SPAG1: variants seen among roughly 807,000 people sequenced by gnomAD.
SPAG1 encodes the protein sperm-associated antigen 1.
In SPAG1, 69 loss-of-function variants were observed where a neutral mutation model predicts 100.5. The observed-to-expected ratio is 0.69, with a 90% confidence interval of 0.57 to 0.84. The LOEUF (loss-of-function observed/expected upper bound fraction) is 0.84. SPAG1 is among the 40% of genes least tolerant of loss of function. The probability of loss-of-function intolerance (pLI) is 0.00; values close to 1 mark genes in which losing one functional copy is unlikely to be tolerated. For missense variants in SPAG1, 955 were observed against 1,133.1 expected (o/e 0.84, Z 2.26); for synonymous variants, 336 against 411.6 (o/e 0.82, Z 2.22).
chr8:100,169,074 G>GT (rs1215543563), intron 3 of SPAG1, among the ~76,000 whole-genome samples: 1 of 151,926 alleles, frequency 6.6e-6, no homozygotes, highest in Non-Finnish European at 1.5e-5. Flanking sequence ...GGGCTTTTGT[G>GT]TTTTATCTAA....
chr8:100,219,824 A>C (rs1818179264), intron 12 of SPAG1, among the ~76,000 whole-genome samples: 1 of 152,264 alleles, frequency 6.6e-6, no homozygotes, highest in Non-Finnish European at 1.5e-5. Context: ...CTTTTGCAGC[A>C]AGTGAATCAT....
chr8:100,162,864 T>C (rs1386927538), intron 2 of SPAG1, among the ~76,000 whole-genome samples: 1 of 152,108 alleles, frequency 6.6e-6, no homozygotes, highest in Non-Finnish European at 1.5e-5. Context: ...CTCAGAAGGC[T>C]GAGGTGGGAG....
chr8:100,167,020 C>T (rs1410623575), intron 3 of SPAG1, among the ~76,000 whole-genome samples: 1 of 151,872 alleles, frequency 6.6e-6, no homozygotes, highest in Non-Finnish European at 1.5e-5. Context: ...CTTCATACAC[C>T]ACCCCCAACA....
chr8:100,191,182 T>C (rs922388669), intron 8 of SPAG1, among the ~76,000 whole-genome samples: 4 of 152,140 alleles, frequency 2.6e-5, no homozygotes, highest in African/African-American at 9.7e-5. Flanking sequence ...AGGGTTGTTA[T>C]AGAGGGGACA....
rs1815348442 is a variant in SPAG1 at position 100,162,364 on chromosome 8, A to C, written c.84A>C (p.Lys28Asn). 2 of 1,599,142 alleles carry C rather than the reference A, an allele frequency of 1.3e-6. No individual in the cohort carries two copies. Among genetic ancestry groups the C allele is most frequent in the Non-Finnish European group, 1.7e-6 (2 of 1,173,554 alleles). Residue 28 changes from lysine to asparagine, a missense_variant, in exon 2 of 19, where the codon AAA (lysine) becomes AAC (asparagine). Lys to Asn is a moderately conservative substitution (Grantham distance 94). Transcript: ENST00000388798. ...FKIPIEHLDFKYIEKCSDVKH... is the reference protein window; with the variant it reads ...FKIPIEHLDFNYIEKCSDVKH... ...TTCCCATTGAACATCTAGATTTCAA[A>C]TACATTGAAAAATGTTCAGATGTTA...
At chr8:100,213,676 G>T in intron 11 of SPAG1, 143 bp from the exon 12 acceptor site, 1 of 588,222 alleles carries the variant, frequency 1.7e-6, no homozygotes. Flanking sequence ...GGCTGTTGCG[G>T]GTAGCAGCTC....
intron 2 of SPAG1, chr8:100,165,516 C>T: frequency 5.4e-6 from 2 of 368,398 alleles, no homozygotes; most frequent in Non-Finnish European, 5.1e-6. Flanking sequence ...GCCAACTCCG[C>T]GGAGCAACCC....
intron 1 of SPAG1, among the ~76,000 whole-genome samples, chr8:100,160,005 T>C (rs1420134966): frequency 6.6e-6 from 1 of 152,234 alleles, no homozygotes; most frequent in Non-Finnish European, 1.5e-5. Context: ...CTGTTATTAC[T>C]AATGTCACTT....
At chr8:100,192,198 C>T (rs1001466631) in intron 9 of SPAG1, among the ~76,000 whole-genome samples, 2 of 152,158 alleles carry the variant, frequency 1.3e-5, no homozygotes, top group African/African-American at 4.8e-5. Flanking sequence ...AGTGCAGTGG[C>T]TCACGTCTGT....
rs1290189036 is a variant in SPAG1, at chr8:100,213,498, G to A, written c.1435+70G>A. The A allele has an allele frequency of 3.3e-6, 4 of 1,215,144 alleles. 1 individual carries two copies. In the South Asian group the frequency reaches 6.3e-5, roughly 19 times the overall value. The allele number at this position is 1,215,144 out of a possible 1,614,324, so 75.3% of individuals were successfully genotyped here. On this transcript the variant is annotated intron_variant, in intron 11 of 18. Coordinates refer to ENST00000388798, the MANE Select transcript of SPAG1 (RefSeq NM_003114.5). Reference sequence around the variant, plus strand: ...GGTTCACCCGACCTCCGGGGCCCCCGTGGGAGAGGCGCTGCCGCCTCCTGA... The same window carrying A: ...GGTTCACCCGACCTCCGGGGCCCCCATGGGAGAGGCGCTGCCGCCTCCTGA...
Position 100,240,754 on chromosome 8 carries a change from A to G in SPAG1, c.2632A>G (p.Lys878Glu). ...GTATCAGCATCTTTTATACCTGAGT[A>G]AAGCAGAAAGGTTTAAGGTAAGTGG... ...LVYQHLLYLS[K>E]AERFKMMLTL... The change falls in exon 18 of 19, where the codon AAA becomes GAA. Residue 878 changes from lysine to glutamate, a missense_variant. Lys to Glu is a moderately conservative substitution (Grantham distance 56). Transcript: ENST00000388798. The G allele has an allele frequency of 6.2e-7, 1 of 1,600,204 alleles. No homozygotes were observed. The highest frequency in any genetic ancestry group is 8.5e-7 in the Non-Finnish European group (1 of 1,175,066).
intron 2 of SPAG1, among the ~76,000 whole-genome samples, chr8:100,164,559 G>T (rs1815462588): frequency 6.6e-6 from 1 of 152,012 alleles, no homozygotes; most frequent in African/African-American, 2.4e-5. Flanking sequence ...TGCATAGCTG[G>T]GATTACAGGT....
At chr8:100,218,451 G>A (rs999129166) in intron 12 of SPAG1, among the ~76,000 whole-genome samples, 2 of 152,202 alleles carry the variant, frequency 1.3e-5, no homozygotes, top group African/African-American at 4.8e-5. Context: ...TCACATGGTT[G>A]TGACTCTGCT....
intron 10 of SPAG1, 114 bp from the exon 11 acceptor site, chr8:100,212,964 GCGGTGCCCGAGC>G: frequency 2.8e-6 from 2 of 711,788 alleles, no homozygotes; most frequent in Non-Finnish European, 4.1e-6. Context: ...GCCCGCAGGG[GCGGTGCCCGAGC>G]CGGCTTCCCT....
At chr8:100,205,852 T>A (rs1417009302) in intron 10 of SPAG1, among the ~76,000 whole-genome samples, 5 of 150,724 alleles carry the variant, frequency 3.3e-5, no homozygotes, top group Non-Finnish European at 5.9e-5. Flanking sequence ...CCGTCTCTAC[T>A]AAAAATACAA....
chr8:100,158,911 T>C (rs2132172603), intron 1 of SPAG1: 2 of 151,490 alleles, frequency 1.3e-5, no homozygotes, highest in African/African-American at 4.8e-5. Context: ...GATTGTTCAG[T>C]TATAGATCCA....
chr8:100,190,663 C>CCT (rs1816774425), intron 8 of SPAG1, among the ~76,000 whole-genome samples: 1 of 111,800 alleles, frequency 8.9e-6, no homozygotes, highest in East Asian at 2.7e-4. Flanking sequence ...CTTTTTTTTT[C>CCT]TTTTTTTTTT....
Position 100,239,867 on chromosome 8 carries a change from C to T in SPAG1, c.2280+463C>T, listed in dbSNP as rs192015172. ...CTCGAACTACCTCAGGATCAAACTG[C>T]TTTTGTGATTCAGATAACTAAAATG... On this transcript the variant is annotated intron_variant, in intron 17 of 18. Transcript: ENST00000388798. This position sits in a 1 kb window ranked among gnomAD's most constrained non-coding sequence, Gnocchi z 5.0. Among the ~76,000 whole-genome samples, 1 of 152,292 alleles carries T rather than the reference C, an allele frequency of 6.6e-6. No homozygotes were observed. Among genetic ancestry groups the T allele is most frequent in the Admixed American group, 6.5e-5 (1 of 15,306 alleles).
At chr8:100,173,033 C>CTTTTTTTTT (rs149257955) in intron 3 of SPAG1, among the ~76,000 whole-genome samples, 1 of 63,612 alleles carries the variant, frequency 1.6e-5, no homozygotes, top group African/African-American at 6.7e-5. Flanking sequence ...TTGACCACTT[C>CTTTTTTTTT]TTTTTTTTTT....
Sources: gnomAD v4.1 joint callset for allele counts (sites outside exome capture counted in the v4.1 genomes callset) on GRCh38, gnomAD v4.1.1 for gene constraint, Gnocchi (gnomAD v3.1) non-coding constraint, MANE v1.5 for transcripts, NCBI Gene and HGNC (gene_info 2026-07-23, HGNC 2026-07-21) for gene names.